The following FOXK2 variants were observed in gnomAD, a reference collection of about 807,000 sequenced individuals.
FOXK2 encodes forkhead box protein K2.
Under a neutral mutation model 53.3 loss-of-function variants are expected in FOXK2, and 24 were observed. The ratio of observed to expected loss-of-function variants is 0.45; its 90% CI spans 0.33 to 0.63. FOXK2 has a LOEUF of 0.63. FOXK2 is among the 30% of genes least tolerant of loss of function. FOXK2 has a pLI of 0.03. For synonymous variants in FOXK2, 505 were observed against 407.1 expected (o/e 1.24, Z -2.89); for missense variants, 952 against 910.5 (o/e 1.05, Z -0.59).
At chr17:82,552,992 G>A (rs1379038184) in intron 1 of FOXK2, among the ~76,000 whole-genome samples, 3 of 152,228 alleles carry the variant, frequency 2.0e-5, no homozygotes, top group Non-Finnish European at 1.5e-5. Flanking sequence ...CTGCAGTGCA[G>A]TGACATGATC....
At chr17:82,577,652 G>A (rs2045005427) in intron 4 of FOXK2, among the ~76,000 whole-genome samples, 2 of 152,218 alleles carry the variant, frequency 1.3e-5, no homozygotes, top group African/African-American at 4.8e-5. Context: ...CCAGAATTGA[G>A]ATAATTGTTG....
chr17:82,547,945 T>A (rs2044642813), intron 1 of FOXK2, among the ~76,000 whole-genome samples: 1 of 152,234 alleles, frequency 6.6e-6, no homozygotes. Flanking sequence ...GTTACTTGTG[T>A]GGGCAGTTTT....
intron 1 of FOXK2, chr17:82,559,248 G>C (rs1567973909): frequency 2.4e-6 from 1 of 410,598 alleles, no homozygotes; most frequent in Non-Finnish European, 5.0e-6. Flanking sequence ...GATGTGGAGT[G>C]CGGTTTTCCA....
chr17:82,576,671 C>T (rs1031615365), intron 4 of FOXK2: 5 of 1,147,872 alleles, frequency 4.4e-6, no homozygotes, highest in Middle Eastern at 2.1e-4. Flanking sequence ...ACGAAGTCAC[C>T]ACTAAGCCAC....
chr17:82,524,180 G>A (rs1210758949), intron 1 of FOXK2, among the ~76,000 whole-genome samples: 1 of 152,174 alleles, frequency 6.6e-6, no homozygotes, highest in African/African-American at 2.4e-5. Context: ...GTGAGCCACT[G>A]CGCCTGTCCT....
chr17:82,581,425 T>G (rs9896286), intron 4 of FOXK2, among the ~76,000 whole-genome samples: 15,472 of 151,462 alleles, frequency 0.1, 846 homozygotes, highest in South Asian at 0.12. Context: ...TCAGCATCCT[T>G]AGTAGCTGGG....
At chr17:82,540,544 C>T (rs1300541587) in intron 1 of FOXK2, among the ~76,000 whole-genome samples, 1 of 152,110 alleles carries the variant, frequency 6.6e-6, no homozygotes, top group African/African-American at 2.4e-5. Context: ...CTACTCATGC[C>T]CCTGTCTTTT....
chr17:82,596,147 C>T, intron 8 of FOXK2: 1 of 1,028,758 alleles, frequency 9.7e-7, no homozygotes, highest in South Asian at 3.3e-5. Context: ...CAGGGAGGAG[C>T]ATCTGAGGTG....
rs1301579209 is a variant in FOXK2 at position 82,573,552 on chromosome 17, TCTCTCTCTCTCACA to T, written c.909+1684_909+1697del. Among the ~76,000 whole-genome samples the T allele has an allele frequency of 1.2e-4, 13 of 107,426 alleles. No homozygotes were observed. The South Asian group carries it at 2.1e-3, about 18-fold the overall frequency. The allele number at this position is 107,426 out of a possible 152,430, so 70.5% of individuals were successfully genotyped here. A position where few individuals can be genotyped will look rare whatever the true frequency, so the allele number is the denominator to read the frequency against. On this transcript the variant is annotated intron_variant, in intron 4 of 8. Coordinates refer to ENST00000335255, the MANE Select transcript of FOXK2 (RefSeq NM_004514.4). ...CACACACACACTCTCTCTCTCTCTC[TCTCTCTCTCTCACA>T]CACACACACACACACACACACACAC...
intron 1 of FOXK2, among the ~76,000 whole-genome samples, chr17:82,553,450 C>T (rs2044695511): frequency 6.6e-6 from 1 of 152,280 alleles, no homozygotes; most frequent in Admixed American, 6.5e-5. Flanking sequence ...ACCTGCTGCT[C>T]CTGAGCTGTG....
Position 82,539,716 on chromosome 17 carries a change from A to C in FOXK2, c.419+19409A>C, listed in dbSNP as rs542027315. On this transcript the variant is annotated intron_variant, in intron 1 of 8. Coordinates refer to ENST00000335255, the MANE Select transcript of FOXK2 (RefSeq NM_004514.4). Reference sequence around the variant, plus strand: ...ATGGTGGCTCACGCCTGTAATCTCAACACTTTGGGAGGCTGAGGTGACTGG... The same window carrying C: ...ATGGTGGCTCACGCCTGTAATCTCACCACTTTGGGAGGCTGAGGTGACTGG... 2.4e-4 allele frequency among the ~76,000 whole-genome samples: 36 copies of C among 151,258 alleles called. No homozygotes were observed. In the South Asian group the frequency reaches 7.6e-3, roughly 32 times the overall value.
At chr17:82,531,984 G>T (rs1310042806) in intron 1 of FOXK2, among the ~76,000 whole-genome samples, 6 of 151,992 alleles carry the variant, frequency 3.9e-5, no homozygotes, top group Non-Finnish European at 8.8e-5. Flanking sequence ...GGGATTACAG[G>T]CTCACGCCGC....
chr17:82,601,338 G>T lies in FOXK2; in HGVS notation c.1822G>T (p.Ala608Ser). Residue 608 changes from alanine (A) to serine (S), a missense_variant, in exon 9 of 9, where the codon GCA (alanine) becomes TCA (serine). This residue lies in a region of FOXK2 where 551 missense variants were observed against 385.1 expected (regional missense o/e 1.43). Transcript: ENST00000335255. Reference sequence around the variant, plus strand: ...TCCTTTGCACATGTTGGCAACACACGCATCCGCATCGGCCTCCCTGCCCAC... The same window carrying T: ...TCCTTTGCACATGTTGGCAACACACTCATCCGCATCGGCCTCCCTGCCCAC... ...ASPLHMLATH[A>S]SASASLPTKR... 2 of 1,613,092 alleles carry T rather than the reference G, an allele frequency of 1.2e-6. No individual in the cohort carries two copies. The highest frequency in any genetic ancestry group is 2.7e-5 in the African/African-American group (2 of 75,030).
At chr17:82,584,740 T>G (rs2045112897) in intron 6 of FOXK2, among the ~76,000 whole-genome samples, 1 of 152,030 alleles carries the variant, frequency 6.6e-6, no homozygotes, top group Non-Finnish European at 1.5e-5. Context: ...GAGACAGGGT[T>G]TCACCATGTT....
rs1227708411 is a variant in FOXK2, at chr17:82,586,518, A to T, written c.1576+318A>T. ...GGTGGGCCGGGGGGGAAAGGAGGAG[A>T]GGGGAGACCACAGGGAGGTCAAAGG... is the stretch of plus-strand genomic sequence containing the variant. On this transcript the variant is annotated intron_variant, in intron 7 of 8. Transcript: ENST00000335255. Among the ~76,000 whole-genome samples, 481 of 107,888 alleles carry T rather than the reference A, an allele frequency of 4.5e-3. 105 individuals carry two copies. The highest frequency in any genetic ancestry group is 5.1e-3 in the South Asian group (16 of 3,128). 70.8% of individuals were successfully genotyped at this position (107,888 alleles called of 152,430 possible).
At chr17:82,589,849 C>G (rs928087432) in intron 8 of FOXK2, among the ~76,000 whole-genome samples, 2 of 152,140 alleles carry the variant, frequency 1.3e-5, no homozygotes, top group Non-Finnish European at 2.9e-5. Flanking sequence ...AGTTGGAGAC[C>G]AGCCTGGCCA....
Position 82,587,250 on chromosome 17 carries a change from G to C in FOXK2, c.1764G>C (p.Ala588=). 1.2e-6 allele frequency: 2 copies of C among 1,612,882 alleles called. No homozygotes were observed. The highest frequency in any genetic ancestry group is 2.2e-5 in the South Asian group (2 of 91,068). ...CTCACGTGGCATCAGTCCCCACTGC[G>C]GTCCACGGCCAGGTGAACAATGGTA... ...NGTHVASVPT[A]VHGQVNNAAA... is the part of the protein sequence containing the mutation. The change falls in exon 8 of 9, where the codon GCG becomes GCC. Residue 588 remains alanine (A), a synonymous_variant. Coordinates refer to ENST00000335255, the MANE Select transcript of FOXK2 (RefSeq NM_004514.4).
In FOXK2 at chr17:82,582,951, A is replaced by G; in HGVS notation, c.1103+17A>G. ...CTCTTCTAGGTAAGGAAAAAGAAGA[A>G]CAAAAGGCCTCACTTCGTGCTTACT... On this transcript the variant is annotated intron_variant, in intron 5 of 8. Coordinates refer to ENST00000335255, the MANE Select transcript of FOXK2 (RefSeq NM_004514.4). The G allele has an allele frequency of 6.6e-7, 1 of 1,522,860 alleles. No individual in the cohort carries two copies. Among genetic ancestry groups the G allele is most frequent in the Non-Finnish European group, 8.8e-7 (1 of 1,138,700 alleles). 94.3% of individuals were successfully genotyped at this position (1,522,860 alleles called of 1,614,324 possible). A position where few individuals can be genotyped will look rare whatever the true frequency, so the allele number is the denominator to read the frequency against.
intron 4 of FOXK2, among the ~76,000 whole-genome samples, chr17:82,574,511 G>C (rs2044960483): frequency 6.6e-6 from 1 of 152,090 alleles, no homozygotes; most frequent in African/African-American, 2.4e-5. Flanking sequence ...GCAGAGACGG[G>C]GTTCCTCCAT....
Sources: gnomAD v4.1 joint callset for allele counts (sites outside exome capture counted in the v4.1 genomes callset) on GRCh38, gnomAD v4.1.1 for gene constraint, gnomAD v4.1.1 regional missense constraint, MANE v1.5 for transcripts, NCBI Gene and HGNC (gene_info 2026-07-23, HGNC 2026-07-21) for gene names.